The following LGSN variants were observed in gnomAD, a reference collection of about 807,000 sequenced individuals.
LGSN encodes the protein lengsin, lens protein with glutamine synthetase domain.
Under a neutral mutation model 19.5 loss-of-function variants are expected in LGSN, and 21 were observed. The observed-to-expected ratio is 1.07, with a 90% CI of 0.76 to 1.55. The LOEUF (loss-of-function observed/expected upper bound fraction) is 1.55. Among genes scored for constraint, LGSN ranks in the 40% most tolerant of loss-of-function variants. The pLI is 0.00. For synonymous variants in LGSN, 257 were observed against 215.6 expected, an observed-to-expected ratio of 1.19 and a Z score of -1.68; for missense variants, 673 against 608.5, an observed-to-expected ratio of 1.11 and a Z score of -1.12.
At chr6:63,299,823 T>C (rs1431167305) in intron 1 of LGSN, among the ~76,000 whole-genome samples, 2 of 152,204 alleles carry the variant, frequency 1.3e-5, no homozygotes, top group Admixed American at 1.3e-4. Context: ...ATACTAAATA[T>C]AATTCAGACT....
the LGSN span, among the ~76,000 whole-genome samples, chr6:63,460,208 T>G: frequency 7.1e-6 from 1 of 140,036 alleles, no homozygotes; most frequent in Non-Finnish European, 1.5e-5. Context: ...TTCACCTGCC[T>G]CAGCCTCCCA....
the LGSN span, among the ~76,000 whole-genome samples, chr6:63,435,101 C>T: frequency 6.6e-6 from 1 of 152,170 alleles, no homozygotes; most frequent in Admixed American, 6.5e-5. Flanking sequence ...ACAGAAAGCC[C>T]TGACCCACCA....
the LGSN span, among the ~76,000 whole-genome samples, chr6:63,487,718 C>T: frequency 7.9e-5 from 12 of 152,184 alleles, no homozygotes; most frequent in East Asian, 1.9e-4. Context: ...TGGTTGCTCA[C>T]GCCTGTAATC....
chr6:63,534,366 C>G, the LGSN span, among the ~76,000 whole-genome samples: 5 of 152,040 alleles, frequency 3.3e-5, no homozygotes, highest in Non-Finnish European at 5.9e-5. Context: ...TCTCTGAGGA[C>G]ATTTGAATAC....
chr6:63,293,714 G>A (rs866829717), intron 2 of LGSN: 2 of 456,254 alleles, frequency 4.4e-6, no homozygotes, highest in Admixed American at 4.7e-5. Context: ...TTGTTGTTCT[G>A]GGGGGCAAAG....
the LGSN span, among the ~76,000 whole-genome samples, chr6:63,569,383 A>G: frequency 6.6e-6 from 1 of 152,112 alleles, no homozygotes; most frequent in African/African-American, 2.4e-5. Context: ...CAGCCTCCCA[A>G]GTAACTGGGA....
At chr6:63,494,491 G>A in the LGSN span, among the ~76,000 whole-genome samples, 4 of 152,020 alleles carry the variant, frequency 2.6e-5, no homozygotes, top group African/African-American at 9.7e-5. Context: ...ATAATTTTGT[G>A]GCTCAAATTT....
the LGSN span, among the ~76,000 whole-genome samples, chr6:63,377,812 G>T: frequency 1.3e-5 from 2 of 151,276 alleles, no homozygotes; most frequent in Non-Finnish European, 1.5e-5. Flanking sequence ...TACTCAGGAG[G>T]CTGAGGCAGG....
the LGSN span, among the ~76,000 whole-genome samples, chr6:63,327,353 G>C: frequency 6.6e-6 from 1 of 152,214 alleles, no homozygotes; most frequent in Non-Finnish European, 1.5e-5. Flanking sequence ...AAGGGGAGAA[G>C]CCATGTTGCC....
the LGSN span, among the ~76,000 whole-genome samples, chr6:63,505,600 A>ATTCT: frequency 7.5e-6 from 1 of 134,104 alleles, no homozygotes; most frequent in East Asian, 3.3e-4. Context: ...AAAGAAAGAA[A>ATTCT]GAAAGAAAGA....
chr6:63,412,904 GAGAAAGGAAGGA>G, the LGSN span, among the ~76,000 whole-genome samples: 2 of 141,812 alleles, frequency 1.4e-5, no homozygotes, highest in Non-Finnish European at 3.0e-5. Context: ...AAGAGAGAGA[GAGAAAGGAAGGA>G]AGAAAGGAAG....
chr6:63,572,786 C>A, the LGSN span: 1 of 397,970 alleles, frequency 2.5e-6, no homozygotes, highest in South Asian at 1.3e-4. Context: ...TCCCCGCTGT[C>A]GCCTTTGTTC....
the LGSN span, among the ~76,000 whole-genome samples, chr6:63,466,782 A>G: frequency 6.6e-6 from 1 of 152,126 alleles, no homozygotes; most frequent in Non-Finnish European, 1.5e-5. Flanking sequence ...AGACTATGGG[A>G]AGAGTAGAAT....
chr6:63,433,955 A>C, the LGSN span, among the ~76,000 whole-genome samples: 1 of 152,238 alleles, frequency 6.6e-6, no homozygotes, highest in African/African-American at 2.4e-5. Flanking sequence ...AAATGGAACA[A>C]CTGAGCAGAG....
At chr6:63,332,198 T>C in the LGSN span, among the ~76,000 whole-genome samples, 450 of 152,282 alleles carry the variant, frequency 3.0e-3, 3 homozygotes, top group African/African-American at 0.01. Context: ...TTGGTGAGCC[T>C]GGGTGCCTAA....
At chr6:63,363,136 C>G in the LGSN span, among the ~76,000 whole-genome samples, 21 of 152,166 alleles carry the variant, frequency 1.4e-4, no homozygotes, top group Admixed American at 1.3e-4. Context: ...TGAGTGTTCT[C>G]ACTGTTAGAA....
chr6:63,570,058 A>C, the LGSN span, among the ~76,000 whole-genome samples: 221 of 152,292 alleles, frequency 1.5e-3, no homozygotes, highest in African/African-American at 5.0e-3. Flanking sequence ...GGTCAGCAAG[A>C]CCACACTTAT....
At chr6:63,409,758 G>T in the LGSN span, among the ~76,000 whole-genome samples, 5 of 152,104 alleles carry the variant, frequency 3.3e-5, no homozygotes, top group African/African-American at 9.7e-5. Flanking sequence ...TACCTCAGCC[G>T]GGTGTGGCAG....
At chr6:63,549,170 C>T in the LGSN span, 2 of 685,784 alleles carry the variant, frequency 2.9e-6, no homozygotes, top group African/African-American at 1.8e-5. Context: ...GGGCCAACAG[C>T]CTCTGTTTCT....
Sources: allele counts gnomAD v4.1 joint callset (sites outside exome capture counted in the v4.1 genomes callset), GRCh38; gene constraint gnomAD v4.1.1; transcripts MANE v1.5; gene names NCBI Gene and HGNC (gene_info 2026-07-23, HGNC 2026-07-21).